CADM2: variants seen among roughly 807,000 people sequenced by gnomAD.
CADM2 encodes the protein immunoglobulin superfamily member 4D.
CADM2 carries 12 observed loss-of-function variants against 49.8 expected under a neutral mutation model. The ratio of observed to expected loss-of-function variants is 0.24; its 90% CI spans 0.15 to 0.39. CADM2 has a LOEUF of 0.39. CADM2 is among the 10% of genes least tolerant of loss of function. CADM2 has a pLI of 1.00. For missense variants in CADM2, 378 were observed against 492.3 expected, an observed-to-expected ratio of 0.77 and a Z score of 2.20; for synonymous variants, 214 against 175.4, an observed-to-expected ratio of 1.22 and a Z score of -1.74.
intron 5 of CADM2, among the ~76,000 whole-genome samples, chr3:85,891,271 A>G (rs550797849): frequency 1.3e-5 from 2 of 152,168 alleles, no homozygotes; most frequent in Non-Finnish European, 2.9e-5. Flanking sequence ...AAGAGCTTAC[A>G]TTTACATTAA....
At chr3:85,644,803 C>A (rs2107563294) in intron 1 of CADM2, among the ~76,000 whole-genome samples, 1 of 152,214 alleles carries the variant, frequency 6.6e-6, no homozygotes, top group East Asian at 1.9e-4. Context: ...ACTTTGAAGT[C>A]TCAAGAATTG....
intron 1 of CADM2, among the ~76,000 whole-genome samples, chr3:85,256,125 C>T (rs1281074015): frequency 2.0e-5 from 3 of 151,998 alleles, no homozygotes; most frequent in Admixed American, 6.6e-5. Flanking sequence ...TCTCACGCAA[C>T]AGCACTCCTC....
intron 1 of CADM2, among the ~76,000 whole-genome samples, chr3:85,493,794 A>G (rs1213550061): frequency 6.6e-6 from 1 of 152,174 alleles, no homozygotes; most frequent in Admixed American, 6.5e-5. Flanking sequence ...GTCAGCTCTA[A>G]GGTTTGTACT....
At chr3:85,809,361 C>T (rs1015088571) in intron 3 of CADM2, among the ~76,000 whole-genome samples, 4 of 151,962 alleles carry the variant, frequency 2.6e-5, no homozygotes, top group Non-Finnish European at 5.9e-5. Context: ...GAGGTTGAGG[C>T]GGGTGGACCA....
At chr3:85,998,373 G>A (rs1729703034) in intron 8 of CADM2, among the ~76,000 whole-genome samples, 1 of 152,006 alleles carries the variant, frequency 6.6e-6, no homozygotes, top group African/African-American at 2.4e-5. Context: ...GAATAATACG[G>A]CTTTCCTTGA....
chr3:85,191,278 C>A (rs925246156), intron 1 of CADM2, among the ~76,000 whole-genome samples: 2 of 151,844 alleles, frequency 1.3e-5, no homozygotes, highest in Non-Finnish European at 2.9e-5. Flanking sequence ...AAAATCATAA[C>A]TTATTTTTGA....
chr3:85,153,227 C>T (rs537613535), intron 1 of CADM2, among the ~76,000 whole-genome samples: 35 of 152,158 alleles, frequency 2.3e-4, no homozygotes, highest in Middle Eastern at 3.4e-3. Flanking sequence ...AGTGGGTGCG[C>T]GCACCCTGCG....
intron 1 of CADM2, among the ~76,000 whole-genome samples, chr3:85,535,402 A>C (rs1181045547): frequency 6.6e-6 from 1 of 152,132 alleles, no homozygotes; most frequent in African/African-American, 2.4e-5. Flanking sequence ...CTTAATAATA[A>C]AATTGTCCAT....
intron 1 of CADM2, among the ~76,000 whole-genome samples, chr3:85,270,216 A>C (rs1179782809): frequency 1.3e-5 from 2 of 151,428 alleles, no homozygotes; most frequent in Non-Finnish European, 3.0e-5. Flanking sequence ...AATAAAATTC[A>C]TAATTAAATA....
At chr3:85,586,362 A>G (rs2062946161) in intron 1 of CADM2, among the ~76,000 whole-genome samples, 1 of 152,138 alleles carries the variant, frequency 6.6e-6, no homozygotes, top group African/African-American at 2.4e-5. Flanking sequence ...AAACAAAAAC[A>G]GAAAAACAAT....
rs1446544603 is a variant in CADM2, at chr3:85,590,196, A to G, written c.62-136326A>G. 2.7e-4 allele frequency among the ~76,000 whole-genome samples: 41 copies of G among 151,996 alleles called. 1 individual carries two copies. ...TAGAACAAATAGAGCCAAGCAGAAA[A>G]ATAGAAAATCATCTAGGGAAATATA... On this transcript the variant is annotated intron_variant, in intron 1 of 9. Coordinates refer to ENST00000383699, the MANE Select transcript of CADM2 (RefSeq NM_001167675.2).
chr3:85,138,370 CTT>C (rs1318565903), intron 1 of CADM2, among the ~76,000 whole-genome samples: 2 of 152,116 alleles, frequency 1.3e-5, no homozygotes, highest in African/African-American at 4.8e-5. Flanking sequence ...CAGTGAGTCT[CTT>C]GAGGCTTTCT....
intron 8 of CADM2, among the ~76,000 whole-genome samples, chr3:85,983,252 T>C (rs999273316): frequency 1.3e-5 from 2 of 151,660 alleles, no homozygotes; most frequent in African/African-American, 4.8e-5. Flanking sequence ...CATCCCTATT[T>C]GGAGGAAGAA....
chr3:85,937,749 A>G (rs1353180148), intron 7 of CADM2, among the ~76,000 whole-genome samples: 2 of 151,912 alleles, frequency 1.3e-5, no homozygotes, highest in Non-Finnish European at 1.5e-5. Flanking sequence ...TATTTATATT[A>G]TTTCTGGAAA....
chr3:85,417,361 C>T lies in CADM2; in HGVS notation c.62-309161C>T, dbSNP rs556989628. Among the ~76,000 whole-genome samples, 4 of 152,218 alleles carry T rather than the reference C, an allele frequency of 2.6e-5. No individual in the cohort carries two copies. The East Asian group carries it at 7.7e-4, about 29-fold the overall frequency. ...TGCTATCACCACCTCCTGAAATGTA[C>T]CCTGCACACAACTCACTCATATTCA... On this transcript the variant is annotated intron_variant, in intron 1 of 9. Coordinates refer to ENST00000383699, the MANE Select transcript of CADM2 (RefSeq NM_001167675.2).
intron 3 of CADM2, among the ~76,000 whole-genome samples, chr3:85,841,358 T>C (rs1021047057): frequency 1.3e-5 from 2 of 151,824 alleles, no homozygotes; most frequent in Admixed American, 6.6e-5. Context: ...GAATTTAGAG[T>C]ACCTTGCTTA....
rs536631327 is a variant in CADM2, at chr3:85,899,788, C to A, written c.530-12585C>A. ...GGTTCTGGCTGATGGTAATAGGCACCATTTACGGTCCTGTTTGAACATCAT... is the reference window on the plus strand; with the variant it reads ...GGTTCTGGCTGATGGTAATAGGCACAATTTACGGTCCTGTTTGAACATCAT... On this transcript the variant is annotated intron_variant, in intron 5 of 9. Transcript: ENST00000383699. Among the ~76,000 whole-genome samples the A allele has an allele frequency of 2.0e-5, 3 of 152,202 alleles. No individual in the cohort carries two copies. In the South Asian group the frequency reaches 6.2e-4, roughly 32 times the overall value.
intron 1 of CADM2, among the ~76,000 whole-genome samples, chr3:85,442,130 G>T (rs537652381): frequency 2.6e-5 from 4 of 152,010 alleles, no homozygotes; most frequent in African/African-American, 7.2e-5. Flanking sequence ...ATACTGCAAA[G>T]AAGTTTTTAT....
intron 1 of CADM2, among the ~76,000 whole-genome samples, chr3:85,057,960 G>T (rs141884418): frequency 6.6e-6 from 1 of 152,068 alleles, no homozygotes; most frequent in Non-Finnish European, 1.5e-5. Context: ...GAATTTTCCC[G>T]ATGGTAGGTA....
Sources: gnomAD v4.1 joint callset for allele counts (sites outside exome capture counted in the v4.1 genomes callset) on GRCh38, gnomAD v4.1.1 for gene constraint, MANE v1.5 for transcripts, NCBI Gene and HGNC (gene_info 2026-07-23, HGNC 2026-07-21) for gene names.